The following PRKCI variants were observed in gnomAD, a reference collection of about 807,000 sequenced individuals.
PRKCI encodes the protein protein kinase C iota type.
Under a neutral mutation model 84.0 loss-of-function variants are expected in PRKCI, and 43 were observed. That is an observed-to-expected ratio of 0.51 (90% CI 0.40 to 0.66). PRKCI has a LOEUF of 0.66. Among genes scored for constraint, PRKCI ranks in the 30% least tolerant of loss-of-function variants. PRKCI has a pLI of 0.00. For missense variants in PRKCI, 459 were observed against 745.6 expected (o/e 0.62, Z 4.48); for synonymous variants, 216 against 234.4 (o/e 0.92, Z 0.72).
At chr3:170,287,340 G>T (rs1273437) in intron 12 of PRKCI, among the ~76,000 whole-genome samples, 52,070 of 147,832 alleles carry the variant, frequency 0.35, 9,118 homozygotes, top group Middle Eastern at 0.45. Context: ...TATATATATA[G>T]AGAGAGAGAG....
rs1023330381 is a variant in PRKCI, at chr3:170,305,914, C to CTT, written c.*2788_*2789insTT. On this transcript the variant is annotated 3_prime_UTR_variant, in exon 18 of 18. Transcript: ENST00000295797. ...ACTACTGTGGTCATCATAATGTAAT[C>CTT]TATTTCTGTACCTTTTTTTTTTTTT... 1 of 146,846 alleles carries CTT rather than the reference C, an allele frequency of 6.8e-6. No individual in the cohort carries two copies. Among genetic ancestry groups the CTT allele is most frequent in the African/African-American group, 2.5e-5 (1 of 40,072 alleles). The allele number at this position is 146,846 out of a possible 1,614,324, so 9.1% of individuals were successfully genotyped here.
Position 170,267,923 on chromosome 3 carries a change from T to C in PRKCI, c.373T>C (p.Tyr125His). 1 of 1,602,452 alleles carries C rather than the reference T, an allele frequency of 6.2e-7. No homozygotes were observed. Among genetic ancestry groups the C allele is most frequent in the Non-Finnish European group, 8.5e-7 (1 of 1,173,562 alleles). ...TATTACTCTGTCTTCAGAATCCATCTACCGTAGAGGTGCACGCCGCTGGAG... is the reference window on the plus strand; with the variant it reads ...TATTACTCTGTCTTCAGAATCCATCCACCGTAGAGGTGCACGCCGCTGGAG... The part of the protein sequence containing the change: ...MPCPGEDKSI[Y>H]RRGARRWRKL... The change falls in exon 5 of 18, where the codon TAC (tyrosine) becomes CAC (histidine). Residue 125 changes from tyrosine to histidine, a missense_variant. Physicochemically the swap from Tyr to His is moderately conservative, Grantham distance 83. This residue lies in a region of PRKCI where 250 missense variants were observed against 319.7 expected (regional missense o/e 0.78). Coordinates refer to ENST00000295797, the MANE Select transcript of PRKCI (RefSeq NM_002740.6).
chr3:170,255,022 T>G (rs1017755330), intron 2 of PRKCI, among the ~76,000 whole-genome samples: 8 of 151,608 alleles, frequency 5.3e-5, no homozygotes, highest in African/African-American at 1.7e-4. Flanking sequence ...ATCAGTATTT[T>G]ATGATTTTCA....
chr3:170,280,009 AT>A (rs1275646914), intron 8 of PRKCI: 3 of 376,420 alleles, frequency 8.0e-6, no homozygotes, highest in Non-Finnish European at 1.4e-5. Context: ...CTCCCTCCCC[AT>A]TCTTATTACC....
At chr3:170,238,135 G>A (rs1047132373) in intron 2 of PRKCI, among the ~76,000 whole-genome samples, 4 of 152,120 alleles carry the variant, frequency 2.6e-5, no homozygotes, top group African/African-American at 4.8e-5. Context: ...GGCCGAGGCG[G>A]GTGGATGGCC....
chr3:170,254,355 G>A (rs945561208), intron 2 of PRKCI, among the ~76,000 whole-genome samples: 4 of 151,998 alleles, frequency 2.6e-5, no homozygotes, highest in Non-Finnish European at 5.9e-5. Flanking sequence ...GTGATTGCGG[G>A]GTGCTACTCA....
chr3:170,263,463 A>C, intron 4 of PRKCI, 34 bp downstream of exon 4: 1 of 1,515,032 alleles, frequency 6.6e-7, no homozygotes, highest in Non-Finnish European at 9.1e-7. Flanking sequence ...CTTTTACAAG[A>C]GTTACTATGC....
rs1577380915 is a variant in PRKCI at position 170,303,470 on chromosome 3, C to T, written c.*343C>T. The stretch of plus-strand genomic sequence containing the variant: ...TGCATTAAGGCACATAGTGGGATTA[C>T]ATCATAAACCTCCCATAATTTTTGT... On this transcript the variant is annotated 3_prime_UTR_variant, in exon 18 of 18. Coordinates refer to ENST00000295797, the MANE Select transcript of PRKCI (RefSeq NM_002740.6). 6 of 237,390 alleles carry T rather than the reference C, an allele frequency of 2.5e-5. No individual in the cohort carries two copies. The East Asian group carries it at 3.7e-4, about 14-fold the overall frequency. 14.7% of individuals were successfully genotyped at this position (237,390 alleles called of 1,614,324 possible).
chr3:170,301,122 C>T (rs1460859990), intron 17 of PRKCI, among the ~76,000 whole-genome samples: 1 of 152,174 alleles, frequency 6.6e-6, no homozygotes, highest in East Asian at 1.9e-4. Context: ...TCAAGACAGT[C>T]TGATCTCCCC....
At chr3:170,234,632 T>C (rs566484135) in intron 1 of PRKCI, among the ~76,000 whole-genome samples, 26 of 152,328 alleles carry the variant, frequency 1.7e-4, no homozygotes, top group African/African-American at 6.0e-4. Flanking sequence ...CTCTCAACCC[T>C]ATGCCCTCAT....
chr3:170,239,876 G>A (rs1365952708), intron 2 of PRKCI, among the ~76,000 whole-genome samples: 3 of 152,148 alleles, frequency 2.0e-5, no homozygotes, highest in South Asian at 2.1e-4. Context: ...GGCTGAGTGC[G>A]GTGGCTCATG....
chr3:170,293,250 A>T, intron 13 of PRKCI, 133 bp from the exon 14 acceptor site: 6 of 746,512 alleles, frequency 8.0e-6, no homozygotes, highest in Non-Finnish European at 1.2e-5. Context: ...TTCAGTGCCT[A>T]CCATGATAGT....
Position 170,288,343 on chromosome 3 carries a change from C to G in PRKCI, c.1204-3511C>G, listed in dbSNP as rs868135102. On this transcript the variant is annotated intron_variant, in intron 12 of 17. Transcript: ENST00000295797. ...GCTTCTTATACATTTTCATTTCTTA[C>G]AGGGATCCTCAATCAAGTTAGTCAA... is the stretch of plus-strand genomic sequence containing the variant. 2.6e-5 allele frequency among the ~76,000 whole-genome samples: 4 copies of G among 152,232 alleles called. No individual in the cohort carries two copies. The South Asian group carries it at 8.3e-4, about 32-fold the overall frequency.
intron 1 of PRKCI, among the ~76,000 whole-genome samples, chr3:170,234,417 A>G (rs1732890327): frequency 6.6e-6 from 1 of 152,166 alleles, no homozygotes; most frequent in Admixed American, 6.5e-5. Context: ...TGAAAAGTAA[A>G]ATTTATGAAA....
chr3:170,247,624 G>C (rs1368695920), intron 2 of PRKCI, among the ~76,000 whole-genome samples: 2 of 151,106 alleles, frequency 1.3e-5, no homozygotes, highest in East Asian at 3.9e-4. Context: ...CAACTATTTG[G>C]GAGGCTGAGG....
chr3:170,303,442 T>C lies in PRKCI; in HGVS notation c.*315T>C, dbSNP rs1734873239. The C allele has an allele frequency of 4.0e-6, 1 of 250,212 alleles. No individual in the cohort carries two copies. The highest frequency in any genetic ancestry group is 7.6e-6 in the Non-Finnish European group (1 of 130,748). The allele number at this position is 250,212 out of a possible 1,614,324, so 15.5% of individuals were successfully genotyped here. ...AAAAACACTGCATTAAAAAAGTATCTGTTGCATTAAGGCACATAGTGGGAT... is the reference window on the plus strand; with the variant it reads ...AAAAACACTGCATTAAAAAAGTATCCGTTGCATTAAGGCACATAGTGGGAT... On this transcript the variant is annotated 3_prime_UTR_variant, in exon 18 of 18. Transcript: ENST00000295797.
intron 2 of PRKCI, among the ~76,000 whole-genome samples, chr3:170,249,144 G>C (rs1010758691): frequency 6.6e-6 from 1 of 151,956 alleles, no homozygotes. Context: ...TACCGCGCCC[G>C]GCCAGAATTG....
chr3:170,301,196 G>T (rs1208639522), intron 17 of PRKCI, among the ~76,000 whole-genome samples: 2 of 152,182 alleles, frequency 1.3e-5, no homozygotes, highest in African/African-American at 4.8e-5. Context: ...ACAGCATTGT[G>T]TATTAGAAGG....
At chr3:170,257,504 A>G (rs1355614408) in intron 2 of PRKCI, among the ~76,000 whole-genome samples, 1 of 152,088 alleles carries the variant, frequency 6.6e-6, no homozygotes, top group Non-Finnish European at 1.5e-5. Context: ...CAAACTTATG[A>G]TTTTTAAAAT....
Sources: allele counts gnomAD v4.1 joint callset (sites outside exome capture counted in the v4.1 genomes callset), GRCh38; gene constraint gnomAD v4.1.1; regional missense constraint gnomAD v4.1.1; transcripts MANE v1.5; gene names NCBI Gene and HGNC (gene_info 2026-07-23, HGNC 2026-07-21).